Variants in PLXNB3 observed in about 807,000 individuals in gnomAD.
PLXNB3 encodes the protein plexin-B3.
A neutral mutation model predicts 125.7 loss-of-function variants in PLXNB3; 80 were observed. The ratio of observed to expected loss-of-function variants is 0.64; its 90% CI spans 0.53 to 0.77. The LOEUF (loss-of-function observed/expected upper bound fraction) is 0.77. Ranked by LOEUF, PLXNB3 falls within the 30% of genes least tolerant of loss-of-function variation. The pLI, the probability that PLXNB3 is intolerant of heterozygous loss-of-function variation, is 0.00. For missense variants in PLXNB3, 1,836 were observed against 1,729.3 expected (o/e 1.06, Z -1.09); for synonymous variants, 954 against 783.3 (o/e 1.22, Z -3.64).
In PLXNB3 at chrX:153,776,429, G is replaced by A; in HGVS notation, c.4803G>A (p.Trp1601Ter). The A allele has an allele frequency of 8.6e-7, 1 of 1,162,412 alleles. No individual in the cohort carries two copies. The highest frequency in any genetic ancestry group is 1.2e-6 in the Non-Finnish European group (1 of 865,537). ...TGACCTCCGTGACCCAAAACCACTG[G>A]AAGAGACTCAACACCTTGCAACACT... ...EDLTSVTQNHWKRLNTLQHYK... is the reference protein window; with the variant it reads ...EDLTSVTQNH The change falls in exon 28 of 36, where the codon TGG becomes TGA. Residue 1601 changes from tryptophan (W) to a stop codon, truncating the protein, a stop_gained. Transcript: ENST00000361971. LOFTEE classifies it high-confidence loss of function.
In PLXNB3 at chrX:153,778,596, C is replaced by G; in HGVS notation, c.5551-4C>G. ...CACTGCCCCCCTCCACGTGGTGCCC[C>G]CAGAACTACACTTCTGCTCCCCACT... On this transcript the variant is annotated splice_region_variant and splice_polypyrimidine_tract_variant and intron_variant, in intron 34 of 35. Coordinates refer to ENST00000361971, the MANE Select transcript of PLXNB3 (RefSeq NM_005393.3). The G allele has an allele frequency of 8.3e-7, 1 of 1,200,290 alleles. No individual in the cohort carries two copies. The highest frequency in any genetic ancestry group is 1.1e-6 in the Non-Finnish European group (1 of 888,354).
chrX:153,765,459 C>G lies in PLXNB3; in HGVS notation c.-65-12C>G. The G allele has an allele frequency of 8.9e-7, 1 of 1,119,048 alleles. No individual in the cohort carries two copies. The highest frequency in any genetic ancestry group is 1.8e-5 in the African/African-American group (1 of 55,631). The allele number at this position is 1,119,048 out of a possible 1,213,427, so 92.2% of individuals were successfully genotyped here. A position where few individuals can be genotyped will look rare whatever the true frequency, so the allele number is the denominator to read the frequency against. On this transcript the variant is annotated splice_polypyrimidine_tract_variant and intron_variant, in intron 1 of 35. Transcript: ENST00000361971. Reference sequence around the variant, plus strand: ...AATGGGGCTGAGCCTCGACTGTCTCCCTCCCACTCAGGACAATGCCCCCCC... The same window carrying G: ...AATGGGGCTGAGCCTCGACTGTCTCGCTCCCACTCAGGACAATGCCCCCCC...
In PLXNB3 at chrX:153,774,429, G is replaced by C; in HGVS notation, c.3688G>C (p.Gly1230Arg). 8.4e-7 allele frequency: 1 copy of C among 1,190,839 alleles called. No homozygotes were observed. The highest frequency in any genetic ancestry group is 1.1e-6 in the Non-Finnish European group (1 of 883,866). Residue 1230 changes from glycine (G) to arginine (R), a missense_variant, in exon 22 of 36, where the codon GGC (glycine) becomes CGC (arginine). Physicochemically the swap from Gly to Arg is moderately radical, Grantham distance 125. Transcript: ENST00000361971. ...SGLPQFVVQM[G>R]NVQLALGPVQ... Reference sequence around the variant, plus strand: ...CCTGCCCGCCCCCCAGGTGCAGATGGGCAATGTGCAGCTGGCCCTGGGCCC... The same window carrying C: ...CCTGCCCGCCCCCCAGGTGCAGATGCGCAATGTGCAGCTGGCCCTGGGCCC...
At chrX:153,765,893 C>A in intron 2 of PLXNB3, 3 of 754,419 alleles carry the variant, frequency 4.0e-6, no homozygotes, top group Non-Finnish European at 4.7e-6. Flanking sequence ...AGGGGCTGCT[C>A]CCACCTCTCA....
At chrX:153,771,232 T>TG in intron 12 of PLXNB3, 78 bp from the exon 13 acceptor site, 1 of 964,447 alleles carries the variant, frequency 1.0e-6, no homozygotes, top group Non-Finnish European at 1.5e-6. Context: ...ACATTCATTC[T>TG]GGGGGGTGGC....
intron 2 of PLXNB3, chrX:153,765,875 G>A (rs2091851975): frequency 4.0e-6 from 3 of 752,887 alleles, no homozygotes; most frequent in Non-Finnish European, 4.7e-6. Context: ...GGCAGGAGGG[G>A]CCAGAGAAGG....
At chrX:153,764,663 C>T (rs782170108) in intron 1 of PLXNB3, among the ~76,000 whole-genome samples, 12 of 112,949 alleles carry the variant, frequency 1.1e-4, no homozygotes, top group Non-Finnish European at 2.3e-4. Context: ...CTACTGCTGC[C>T]GTGCTGTGGG....
chrX:153,774,303 G>A lies in PLXNB3; in HGVS notation c.3637G>A (p.Ala1213Thr), dbSNP rs377690692. The A allele has an allele frequency of 3.2e-5, 37 of 1,160,646 alleles. 1 individual carries two copies. In the South Asian group the frequency reaches 3.6e-4, roughly 11 times the overall value. The change falls in exon 21 of 36, where the codon GCC (alanine) becomes ACC (threonine). Residue 1213 changes from alanine to threonine, a missense_variant. By Grantham distance (58) the Ala-to-Thr change is moderately conservative. Transcript: ENST00000361971. Reference sequence around the variant, plus strand: ...CCTGTACTGCGAGCCGCCTGCGCACGCCCCGCAGCCTGCCAATGGCTCCGG... The same window carrying A: ...CCTGTACTGCGAGCCGCCTGCGCACACCCCGCAGCCTGCCAATGGCTCCGG... ...THLYCEPPAH[A>T]PQPANGSGLP...
rs201764955 is a variant in PLXNB3, at chrX:153,777,902, G to C, written c.5262-46G>C. On this transcript the variant is annotated intron_variant, in intron 31 of 35. Transcript: ENST00000361971. ...CTGGAGTACATGGGGCGGAGATCAC[G>C]ATGGCAGGCCAGGGCCTCACGCCCA... 8.5e-6 allele frequency: 10 copies of C among 1,172,156 alleles called. No homozygotes were observed. In the East Asian group the frequency reaches 2.1e-4, roughly 24 times the overall value.
Position 153,775,258 on chromosome X carries a change from T to C in PLXNB3, c.4189T>C (p.Ser1397Pro), listed in dbSNP as rs2091973385. The change falls in exon 25 of 36, where the codon TCC (serine) becomes CCC (proline). Residue 1397 changes from serine to proline, a missense_variant. Transcript: ENST00000361971. The stretch of plus-strand genomic sequence containing the variant: ...CACCCTGGAGGAGCAGCCCAGCTTT[T>C]CCCAGAGGGATCGCTGCCATGTGGC... The part of the protein sequence containing the change: ...IHTLEEQPSF[S>P]QRDRCHVASL... 8.3e-7 allele frequency: 1 copy of C among 1,199,691 alleles called. No homozygotes were observed. Among genetic ancestry groups the C allele is most frequent in the African/African-American group, 1.7e-5 (1 of 57,871 alleles).
At chrX:153,766,320 C>T (rs1287870978) in intron 2 of PLXNB3, 1 of 1,155,990 alleles carries the variant, frequency 8.7e-7, no homozygotes, top group Non-Finnish European at 1.2e-6. Flanking sequence ...CCCTGGCTGC[C>T]CAAGGCAGGT....
In PLXNB3 at chrX:153,773,596, T is replaced by G. The variant is rs1176761532; in HGVS notation, c.3162T>G (p.Ala1054=). ...QRPLLSVWLE[A]DAEVQASRAQ... ...CCCTACTGTCTGTGTGGCTGGAGGC[T>G]GACGCAGAGGTGCAGGCTTCCAGGG... The change falls in exon 19 of 36, where the codon GCT becomes GCG. Residue 1054 remains alanine, a synonymous_variant. Transcript: ENST00000361971. 2.5e-6 allele frequency: 3 copies of G among 1,205,635 alleles called. No homozygotes were observed. The African/African-American group carries it at 5.2e-5, about 21-fold the overall frequency.
In PLXNB3 at chrX:153,767,360, T is replaced by G; in HGVS notation, c.533T>G (p.Val178Gly). The G allele has an allele frequency of 8.4e-7, 1 of 1,195,862 alleles. No individual in the cohort carries two copies. Among genetic ancestry groups the G allele is most frequent in the Non-Finnish European group, 1.1e-6 (1 of 887,729 alleles). Residue 178 changes from valine (V) to glycine (G), a missense_variant, in exon 3 of 36, where the codon GTG becomes GGG. Val to Gly is a moderately radical substitution (Grantham distance 109). Transcript: ENST00000361971. The part of the protein sequence containing the change: ...TPGVATVGLV[V>G]PLPGRDLLLV... ...GGAGTGGCAACGGTGGGGCTGGTGG[T>G]GCCCTTGCCCGGCCGGGACCTCCTG...
intron 27 of PLXNB3, 43 bp downstream of exon 27, chrX:153,776,257 C>G: frequency 9.2e-7 from 1 of 1,092,398 alleles, no homozygotes; most frequent in South Asian, 2.1e-5. Context: ...GGACCCTTCC[C>G]TACCCCTCCG....
Position 153,768,313 on chromosome X carries a change from C to T in PLXNB3, c.1151C>T (p.Pro384Leu). The change falls in exon 4 of 36, where the codon CCC becomes CTC. Residue 384 changes from proline (P) to leucine (L), a missense_variant. Pro to Leu is a moderately conservative substitution (Grantham distance 98). Coordinates refer to ENST00000361971, the MANE Select transcript of PLXNB3 (RefSeq NM_005393.3). ...CCCAGCCCCATTGCTGGCCGCCAGC[C>T]CCTGGAGGTCCAGCCTCTGCTGAAG... The part of the protein sequence containing the change: ...HTPSPIAGRQ[P>L]LEVQPLLKLG... 5.0e-6 allele frequency: 6 copies of T among 1,208,631 alleles called. No homozygotes were observed. Among genetic ancestry groups the T allele is most frequent in the Non-Finnish European group, 6.7e-6 (6 of 893,231 alleles).
In PLXNB3 at chrX:153,775,657, G is replaced by C; in HGVS notation, c.4398G>C (p.Leu1466=). The C allele has an allele frequency of 8.3e-7, 1 of 1,208,397 alleles. No individual in the cohort carries two copies. Among genetic ancestry groups the C allele is most frequent in the Non-Finnish European group, 1.1e-6 (1 of 893,001 alleles). The stretch of plus-strand genomic sequence containing the variant: ...TGTCCATCTGCCTGTACGCCTTCCT[G>C]AGGGTGAGGGGCACTGTCCCGCCTG... ...NWLSICLYAF[L]REVAGEPLYM... The change falls in exon 26 of 36, where the codon CTG becomes CTC. Residue 1466 remains leucine (L), a synonymous_variant. Transcript: ENST00000361971.
rs149697090 is a variant in PLXNB3, at chrX:153,767,124, G to C, written c.297G>C (p.Val99=). 2.5e-6 allele frequency: 3 copies of C among 1,208,792 alleles called. No homozygotes were observed. The African/African-American group carries it at 5.2e-5, about 21-fold the overall frequency. The change falls in exon 3 of 36, where the codon GTG becomes GTC. Residue 99 remains valine, a synonymous_variant. Coordinates refer to ENST00000361971, the MANE Select transcript of PLXNB3 (RefSeq NM_005393.3). Reference sequence around the variant, plus strand: ...CTGTAATCGACAGCCCTGACTGCGTGCCCTTCCGTGACCCAGCCGAGTGCC... The same window carrying C: ...CTGTAATCGACAGCCCTGACTGCGTCCCCTTCCGTGACCCAGCCGAGTGCC... ...TGPVIDSPDC[V]PFRDPAECPQ...
rs2091868537 is a variant in PLXNB3 at position 153,767,242 on chromosome X, G to A, written c.415G>A (p.Val139Met). 2.5e-6 allele frequency: 3 copies of A among 1,205,152 alleles called. No individual in the cohort carries two copies. Among genetic ancestry groups the A allele is most frequent in the Non-Finnish European group, 3.4e-6 (3 of 892,546 alleles). The stretch of plus-strand genomic sequence containing the variant: ...GGCCTGCGGGCAGGTGCGGCAGGGC[G>A]TGTGTGAGACACGGCGCCTTGGGGA... ...LVACGQVRQGVCETRRLGDVA... is the reference protein window; with the variant it reads ...LVACGQVRQGMCETRRLGDVA... The change falls in exon 3 of 36, where the codon GTG (valine) becomes ATG (methionine). Residue 139 changes from valine (V) to methionine (M), a missense_variant. Val to Met is a conservative substitution (Grantham distance 21). Coordinates refer to ENST00000361971, the MANE Select transcript of PLXNB3 (RefSeq NM_005393.3).
chrX:153,770,735 G>C, intron 10 of PLXNB3, 23 bp from the exon 11 acceptor site: 1 of 1,203,900 alleles, frequency 8.3e-7, no homozygotes, highest in Non-Finnish European at 1.1e-6. Flanking sequence ...GTTCTGAAGG[G>C]CTGAGGGCTC....
Sources: gnomAD v4.1 joint callset for allele counts (sites outside exome capture counted in the v4.1 genomes callset) on GRCh38, gnomAD v4.1.1 for gene constraint, MANE v1.5 for transcripts, NCBI Gene and HGNC (gene_info 2026-07-23, HGNC 2026-07-21) for gene names.